SDR16C5: variants seen among roughly 807,000 people sequenced by gnomAD.
The protein encoded by SDR16C5 is short chain dehydrogenase/reductase family 16C member 5, also known as epidermal retinol dehydrogenase 2.
A neutral mutation model predicts 27.7 loss-of-function variants in SDR16C5; 20 were observed. That is an observed-to-expected ratio of 0.72 (90% confidence interval 0.51 to 1.05). The LOEUF is 1.05. Among genes scored for constraint, SDR16C5 ranks in the 50% least tolerant of loss-of-function variants. SDR16C5 has a pLI of 0.00. For synonymous variants in SDR16C5, 139 were observed against 132.3 expected, an observed-to-expected ratio of 1.05 and a Z score of -0.35; for missense variants, 374 against 366.3, an observed-to-expected ratio of 1.02 and a Z score of -0.17.
Position 56,301,410 on chromosome 8 carries a change from T to C in SDR16C5, c.*70A>G. 9.3e-7 allele frequency: 1 copy of C among 1,070,878 alleles called. No homozygotes were observed. Among genetic ancestry groups the C allele is most frequent in the East Asian group, 2.4e-5 (1 of 42,066 alleles). 66.3% of individuals were successfully genotyped at this position (1,070,878 alleles called of 1,614,324 possible). A position where few individuals can be genotyped will look rare whatever the true frequency, so the allele number is the denominator to read the frequency against. ...GATATATTCCACTGTCAGACAAAAA[T>C]ACTTTTCTTCATTGAAGTACGCATT... is the stretch of plus-strand genomic sequence containing the variant. On this transcript the variant is annotated 3_prime_UTR_variant, in exon 7 of 7. Coordinates refer to ENST00000303749, the MANE Select transcript of SDR16C5 (RefSeq NM_138969.4).
chr8:56,304,143 T>A, intron 6 of SDR16C5: 1 of 688,272 alleles, frequency 1.5e-6, no homozygotes. Context: ...GTAGATATAA[T>A]TAGCTAATGA....
At chr8:56,308,739 C>T (rs1814948794) in intron 4 of SDR16C5, among the ~76,000 whole-genome samples, 189 bp downstream of exon 4, 1 of 152,126 alleles carries the variant, frequency 6.6e-6, no homozygotes, top group African/African-American at 2.4e-5. Context: ...GGGCATAGTC[C>T]AATTTCATGT....
At chr8:56,312,348 T>C in intron 2 of SDR16C5, 60 bp from the exon 3 acceptor site, 1 of 1,468,438 alleles carries the variant, frequency 6.8e-7, no homozygotes, top group South Asian at 1.2e-5. Context: ...CTAGGTTTTA[T>C]TTTCCCAGAG....
chr8:56,307,650 G>T (rs916737617), intron 4 of SDR16C5, among the ~76,000 whole-genome samples: 45 of 152,218 alleles, frequency 3.0e-4, no homozygotes, highest in African/African-American at 1.1e-3. Context: ...TGGGTCAGAG[G>T]CTAGAGACTG....
At chr8:56,317,700 C>T (rs542053906) in intron 1 of SDR16C5, among the ~76,000 whole-genome samples, 14 of 152,274 alleles carry the variant, frequency 9.2e-5, no homozygotes, top group Non-Finnish European at 1.6e-4. Context: ...TAGGAAATGT[C>T]GAGAGTCGAT....
intron 2 of SDR16C5, 132 bp from the exon 3 acceptor site, chr8:56,312,420 T>C (rs1160386332): frequency 1.2e-6 from 1 of 800,756 alleles, no homozygotes; most frequent in African/African-American, 1.7e-5. Context: ...AAATACAGCT[T>C]GGGGCCAGGC....
At chr8:56,306,593 A>T in intron 5 of SDR16C5, 83 bp downstream of exon 5, 1 of 1,248,978 alleles carries the variant, frequency 8.0e-7, no homozygotes, top group Non-Finnish European at 1.1e-6. Context: ...AATATATTTT[A>T]AACAACTTAA....
intron 1 of SDR16C5, among the ~76,000 whole-genome samples, chr8:56,316,988 A>T (rs912225767): frequency 3.3e-5 from 5 of 152,122 alleles, no homozygotes; most frequent in Admixed American, 3.3e-4. Flanking sequence ...CTAGGCTCTG[A>T]GGTCCCCGCA....
At chr8:56,311,960 G>A (rs893666185) in intron 3 of SDR16C5, among the ~76,000 whole-genome samples, 197 bp downstream of exon 3, 1 of 152,190 alleles carries the variant, frequency 6.6e-6, no homozygotes, top group African/African-American at 2.4e-5. Flanking sequence ...TGTCCTTGTA[G>A]AATTCCCTAA....
chr8:56,318,513 C>T (rs772412827), intron 1 of SDR16C5, among the ~76,000 whole-genome samples: 3 of 152,140 alleles, frequency 2.0e-5, no homozygotes, highest in Non-Finnish European at 2.9e-5. Context: ...GCAGCCTGGG[C>T]GTCGCCAACT....
intron 2 of SDR16C5, among the ~76,000 whole-genome samples, chr8:56,314,515 T>A (rs1255549336): frequency 6.6e-6 from 1 of 152,214 alleles, no homozygotes; most frequent in Non-Finnish European, 1.5e-5. Context: ...CATCAACCGG[T>A]TATTGCTTAA....
chr8:56,309,341 A>C (rs980686331), intron 3 of SDR16C5: 2 of 985,440 alleles, frequency 2.0e-6, no homozygotes, highest in South Asian at 9.4e-5. Context: ...TGGCAGCCAC[A>C]ACCCCAAACC....
At chr8:56,310,587 G>A (rs937785376) in intron 3 of SDR16C5, among the ~76,000 whole-genome samples, 2 of 151,904 alleles carry the variant, frequency 1.3e-5, no homozygotes, top group Non-Finnish European at 2.9e-5. Flanking sequence ...GTGTGGTGGC[G>A]TGCGCCCATA....
rs565595323 is a variant in SDR16C5, at chr8:56,312,950, G to C, written c.334-662C>G. ...CACCACCACACCCGGCTAATTTTTT[G>C]TATTTTTAGTAGAGACAGGTTTTCA... On this transcript the variant is annotated intron_variant, in intron 2 of 6. Coordinates refer to ENST00000303749, the MANE Select transcript of SDR16C5 (RefSeq NM_138969.4). Among the ~76,000 whole-genome samples, 17 of 152,010 alleles carry C rather than the reference G, an allele frequency of 1.1e-4. 1 individual carries two copies.
chr8:56,301,135 C>A lies in SDR16C5; in HGVS notation c.*345G>T. The A allele has an allele frequency of 4.5e-6, 1 of 221,904 alleles. No individual in the cohort carries two copies. 13.7% of individuals were successfully genotyped at this position (221,904 alleles called of 1,614,324 possible). The stretch of plus-strand genomic sequence containing the variant: ...CCTGCTCCCCAAGGCAGGTCAACCA[C>A]AGCCGCTGGCTCCATTTGAGCCACC... On this transcript the variant is annotated 3_prime_UTR_variant, in exon 7 of 7. Coordinates refer to ENST00000303749, the MANE Select transcript of SDR16C5 (RefSeq NM_138969.4).
chr8:56,312,467 G>A (rs1045928590), intron 2 of SDR16C5, among the ~76,000 whole-genome samples, 179 bp from the exon 3 acceptor site: 2 of 152,142 alleles, frequency 1.3e-5, no homozygotes, highest in African/African-American at 2.4e-5. Context: ...CACTCTGGCA[G>A]GCCGAGGCAG....
At chr8:56,311,659 A>G (rs867099557) in intron 3 of SDR16C5, among the ~76,000 whole-genome samples, 2 of 152,160 alleles carry the variant, frequency 1.3e-5, no homozygotes, top group Admixed American at 1.3e-4. Context: ...CTGGTTGGGT[A>G]CTAACTAAGG....
intron 6 of SDR16C5, chr8:56,304,229 C>A: frequency 1.7e-6 from 1 of 581,834 alleles, no homozygotes; most frequent in Non-Finnish European, 3.1e-6. Context: ...TATCTATCTT[C>A]AAATAACTAG....
chr8:56,303,614 T>C lies in SDR16C5; in HGVS notation c.836+1983A>G, dbSNP rs188064262. Among the ~76,000 whole-genome samples, 3 of 152,328 alleles carry C rather than the reference T, an allele frequency of 2.0e-5. No homozygotes were observed. In the East Asian group the frequency reaches 5.8e-4, roughly 29 times the overall value. Reference sequence around the variant, plus strand: ...CTCTGAATATTTGCTGAATGAATGTTTGGTGGAGTGTTTGATGTGATTGCC... The same window carrying C: ...CTCTGAATATTTGCTGAATGAATGTCTGGTGGAGTGTTTGATGTGATTGCC... On this transcript the variant is annotated intron_variant, in intron 6 of 6. Coordinates refer to ENST00000303749, the MANE Select transcript of SDR16C5 (RefSeq NM_138969.4).
Sources: allele counts gnomAD v4.1 joint callset (sites outside exome capture counted in the v4.1 genomes callset), GRCh38; gene constraint gnomAD v4.1.1; transcripts MANE v1.5; gene names NCBI Gene and HGNC (gene_info 2026-07-23, HGNC 2026-07-21).